BCL2L1: variants seen among roughly 807,000 people sequenced by gnomAD.
BCL2L1 encodes the protein bcl-2-like protein 1.
Under a neutral mutation model 18.7 loss-of-function variants are expected in BCL2L1, and 1 was observed. The ratio of observed to expected loss-of-function variants is 0.05; its 90% CI spans 0.02 to 0.25. BCL2L1 has a LOEUF of 0.25. Ranked by LOEUF, BCL2L1 falls within the 10% of genes least tolerant of loss-of-function variation. The pLI is 1.00. For missense variants in BCL2L1, 207 were observed against 304.9 expected (o/e 0.68, Z 2.39); for synonymous variants, 103 against 122.7 (o/e 0.84, Z 1.06).
At chr20:31,717,953 A>G (rs1178891511) in intron 2 of BCL2L1, among the ~76,000 whole-genome samples, 4 of 152,234 alleles carry the variant, frequency 2.6e-5, no homozygotes, top group Admixed American at 2.0e-4. Context: ...AAGGTCATGT[A>G]TACAACATTC....
intron 2 of BCL2L1, among the ~76,000 whole-genome samples, chr20:31,692,964 G>A (rs866456410): frequency 6.0e-5 from 9 of 150,072 alleles, no homozygotes; most frequent in South Asian, 2.1e-4. Context: ...CCAGCTACTC[G>A]GGAGACTGAG....
chr20:31,669,090 C>A (rs150425519), intron 2 of BCL2L1, among the ~76,000 whole-genome samples: 15 of 152,204 alleles, frequency 9.9e-5, no homozygotes, highest in Non-Finnish European at 1.8e-4. Flanking sequence ...GTGTCTCACT[C>A]TGTTACTCAG....
At chr20:31,693,466 G>A (rs951057559) in intron 2 of BCL2L1, among the ~76,000 whole-genome samples, 1 of 152,018 alleles carries the variant, frequency 6.6e-6, no homozygotes, top group African/African-American at 2.4e-5. Flanking sequence ...CAGAACTCAG[G>A]AGTATGGATG....
chr20:31,693,440 A>G (rs1195696353), intron 2 of BCL2L1, among the ~76,000 whole-genome samples: 2 of 152,120 alleles, frequency 1.3e-5, no homozygotes, highest in African/African-American at 4.8e-5. Flanking sequence ...ATGGTAAGAT[A>G]TCACAAAAGA....
intron 2 of BCL2L1, among the ~76,000 whole-genome samples, chr20:31,669,809 C>T (rs1460885387): frequency 2.0e-5 from 3 of 152,090 alleles, no homozygotes; most frequent in Non-Finnish European, 4.4e-5. Flanking sequence ...AGAACAGTGT[C>T]TTGCTCTGTA....
chr20:31,698,896 GT>G (rs2061233464), intron 2 of BCL2L1, among the ~76,000 whole-genome samples: 1 of 152,104 alleles, frequency 6.6e-6, no homozygotes, highest in African/African-American at 2.4e-5. Context: ...CTCCAATAGT[GT>G]GGTGGCTGGT....
At chr20:31,674,869 C>T (rs796551553) in intron 2 of BCL2L1, among the ~76,000 whole-genome samples, 16 of 127,030 alleles carry the variant, frequency 1.3e-4, no homozygotes, top group Middle Eastern at 4.1e-3. Context: ...AATGAGACCC[C>T]GTCTCAAAAA....
intron 2 of BCL2L1, among the ~76,000 whole-genome samples, chr20:31,706,365 A>T (rs561346512): frequency 1.2e-4 from 18 of 152,324 alleles, no homozygotes; most frequent in African/African-American, 3.8e-4. Context: ...AGGCACCTCA[A>T]GCCTCATAGA....
chr20:31,666,761 A>C (rs776855244), intron 2 of BCL2L1, among the ~76,000 whole-genome samples: 1 of 152,090 alleles, frequency 6.6e-6, no homozygotes, highest in African/African-American at 2.4e-5. Context: ...ACAGGCCTCC[A>C]TCACGGGGTC....
intron 2 of BCL2L1, among the ~76,000 whole-genome samples, chr20:31,677,674 C>T (rs1025323029): frequency 6.6e-6 from 1 of 152,196 alleles, no homozygotes; most frequent in Non-Finnish European, 1.5e-5. Flanking sequence ...GTTTTCTCAG[C>T]TTCACCTAGG....
upstream of BCL2L1, chr20:31,723,633 C>T: frequency 1.0e-6 from 1 of 985,438 alleles, no homozygotes; most frequent in East Asian, 1.1e-4. Flanking sequence ...GCGGTCCGCC[C>T]CAGCGCAGCC....
At chr20:31,697,497 G>A (rs1010645678) in intron 2 of BCL2L1, among the ~76,000 whole-genome samples, 6 of 151,898 alleles carry the variant, frequency 4.0e-5, no homozygotes, top group Non-Finnish European at 8.8e-5. Context: ...GAGTGCAGTG[G>A]CACGATCTTG....
At chr20:31,699,905 AGAG>A (rs756077969) in intron 2 of BCL2L1, among the ~76,000 whole-genome samples, 18 of 152,238 alleles carry the variant, frequency 1.2e-4, no homozygotes, top group Non-Finnish European at 1.8e-4. Context: ...GGATCTCTGC[AGAG>A]GAGATTTGAA....
intron 2 of BCL2L1, among the ~76,000 whole-genome samples, chr20:31,668,988 T>C (rs1376153141): frequency 3.3e-5 from 5 of 152,074 alleles, no homozygotes; most frequent in Non-Finnish European, 7.4e-5. Flanking sequence ...TGCCTCAGCC[T>C]CCTGATTACA....
chr20:31,698,742 G>A (rs1048409896), intron 2 of BCL2L1, among the ~76,000 whole-genome samples: 3 of 152,148 alleles, frequency 2.0e-5, no homozygotes, highest in South Asian at 4.2e-4. Context: ...GTTTCGCCAT[G>A]TTGCCCAGGC....
At chr20:31,675,422 C>T (rs535288386) in intron 2 of BCL2L1, among the ~76,000 whole-genome samples, 1 of 152,194 alleles carries the variant, frequency 6.6e-6, no homozygotes, top group Non-Finnish European at 1.5e-5. Flanking sequence ...GCTAGAAGAT[C>T]GCTGGGAGAT....
intron 2 of BCL2L1, among the ~76,000 whole-genome samples, chr20:31,689,274 AGGGCAGGGGAGGGG>A (rs2061016689): frequency 1.1e-4 from 5 of 46,086 alleles, no homozygotes; most frequent in Admixed American, 2.4e-4. Context: ...GGGGAGGGGG[AGGGCAGGGGAGGGG>A]AGGGAAGGAA....
At chr20:31,681,893 A>T (rs1029240892) in intron 2 of BCL2L1, among the ~76,000 whole-genome samples, 2 of 152,132 alleles carry the variant, frequency 1.3e-5, no homozygotes, top group African/African-American at 4.8e-5. Context: ...GTGGATGGCA[A>T]TAAGATGAGG....
chr20:31,666,141 G>A (rs1475295187), intron 2 of BCL2L1, 55 bp from the exon 3 acceptor site: 44 of 1,601,370 alleles, frequency 2.7e-5, no homozygotes, highest in Non-Finnish European at 3.8e-5. Flanking sequence ...TGATGTAGGT[G>A]GGTGGGGAAA....
Sources: allele counts gnomAD v4.1 joint callset (sites outside exome capture counted in the v4.1 genomes callset), GRCh38; gene constraint gnomAD v4.1.1; transcripts MANE v1.5; gene names NCBI Gene and HGNC (gene_info 2026-07-23, HGNC 2026-07-21).